Variants in NRG3 observed in about 807,000 individuals in gnomAD.
NRG3 encodes the protein pro-neuregulin-3, membrane-bound isoform.
In NRG3, 31 loss-of-function variants were observed where a neutral mutation model predicts 66.9. That is an observed-to-expected ratio of 0.46 (90% CI 0.35 to 0.63). The LOEUF (loss-of-function observed/expected upper bound fraction) is 0.63, where lower values mean the gene tolerates loss of function less well. Ranked by LOEUF, NRG3 falls within the 20% of genes least tolerant of loss-of-function variation. NRG3 has a pLI of 0.00. For synonymous variants in NRG3, 393 were observed against 359.4 expected (o/e 1.09, Z -1.06); for missense variants, 910 against 878.9 (o/e 1.04, Z -0.45).
intron 1 of NRG3, among the ~76,000 whole-genome samples, chr10:82,223,643 AC>A (rs1380391295): frequency 0.18 from 3,073 of 16,734 alleles, 98 homozygotes; most frequent in African/African-American, 0.32. Context: ...ACCACCCCAA[AC>A]ACACACACAC....
chr10:82,893,810 C>T (rs1843398596), intron 4 of NRG3, among the ~76,000 whole-genome samples: 1 of 151,938 alleles, frequency 6.6e-6, no homozygotes, highest in Non-Finnish European at 1.5e-5. Context: ...ACAAATGGCT[C>T]AGTGTAATAA....
intron 2 of NRG3, among the ~76,000 whole-genome samples, chr10:82,573,105 A>C (rs971485559): frequency 6.6e-6 from 1 of 151,810 alleles, no homozygotes; most frequent in African/African-American, 2.4e-5. Context: ...ATGTGACAAG[A>C]GATTGTCTTT....
intron 2 of NRG3, among the ~76,000 whole-genome samples, chr10:82,699,822 C>T (rs2055715433): frequency 6.6e-6 from 1 of 151,734 alleles, no homozygotes; most frequent in Admixed American, 6.6e-5. Context: ...TAAACATTTT[C>T]TGATTTTCAA....
intron 3 of NRG3, among the ~76,000 whole-genome samples, chr10:82,740,897 A>C (rs2058394890): frequency 6.6e-6 from 1 of 152,026 alleles, no homozygotes; most frequent in African/African-American, 2.4e-5. Context: ...CAAGATAAAA[A>C]ATTACTTTTA....
At chr10:82,049,002 A>G (rs1226180561) in intron 1 of NRG3, among the ~76,000 whole-genome samples, 1 of 152,190 alleles carries the variant, frequency 6.6e-6, no homozygotes, top group Non-Finnish European at 1.5e-5. Context: ...ATCTAGAAGA[A>G]ATGGATAAAT....
chr10:82,152,951 T>G (rs1002015863), intron 1 of NRG3, among the ~76,000 whole-genome samples: 2 of 151,852 alleles, frequency 1.3e-5, no homozygotes, highest in African/African-American at 4.8e-5. Context: ...TTGCATGTAT[T>G]AATGGGGTAC....
chr10:82,534,557 G>A (rs955508484), intron 2 of NRG3, among the ~76,000 whole-genome samples: 1 of 151,938 alleles, frequency 6.6e-6, no homozygotes, highest in Admixed American at 6.6e-5. Flanking sequence ...GAGCCACTGG[G>A]CCCGGCCAGA....
At chr10:81,885,027 T>A (rs1262628161) in intron 1 of NRG3, among the ~76,000 whole-genome samples, 1 of 152,220 alleles carries the variant, frequency 6.6e-6, no homozygotes, top group African/African-American at 2.4e-5. Flanking sequence ...TCTCTAGAAC[T>A]TATTCCTCTT....
At position 82,551,662 on chromosome 10, in the gene NRG3, G is replaced by A. The variant is rs529707196; in HGVS notation, c.954-186915G>A. On this transcript the variant is annotated intron_variant, in intron 2 of 8. Coordinates refer to ENST00000372141, the MANE Select transcript of NRG3 (RefSeq NM_001010848.4). The stretch of plus-strand genomic sequence containing the variant: ...ACACAAAACAACTACCTAGCTTAAT[G>A]AACTGTTTCAAGTCAAATAGCTTTG... 5.3e-5 allele frequency among the ~76,000 whole-genome samples: 8 copies of A among 150,764 alleles called. No homozygotes were observed. In the South Asian group the frequency reaches 1.7e-3, roughly 32 times the overall value.
intron 2 of NRG3, among the ~76,000 whole-genome samples, chr10:82,581,724 G>GTT (rs1306396098): frequency 6.6e-6 from 1 of 152,002 alleles, no homozygotes; most frequent in East Asian, 1.9e-4. Context: ...ACTTAAAAAT[G>GTT]TTTAAGATGG....
intron 4 of NRG3, among the ~76,000 whole-genome samples, chr10:82,917,620 A>C (rs759015468): frequency 1.3e-5 from 2 of 152,034 alleles, no homozygotes; most frequent in Non-Finnish European, 2.9e-5. Context: ...CAGTAACTTC[A>C]TCTTCCTTGT....
At chr10:82,618,354 C>T (rs547357269) in intron 2 of NRG3, among the ~76,000 whole-genome samples, 3 of 152,018 alleles carry the variant, frequency 2.0e-5, no homozygotes, top group African/African-American at 7.2e-5. Flanking sequence ...GGAGTTGGTC[C>T]AATAGTCATT....
In NRG3 at chr10:82,487,708, A is replaced by T. The variant is rs572677576; in HGVS notation, c.953+128840A>T. ...TTGCCTTTATGTTATTGATTTATTT[A>T]CTTGTGTTAGTTTTAAGAAAAGACA... On this transcript the variant is annotated intron_variant, in intron 2 of 8. Coordinates refer to ENST00000372141, the MANE Select transcript of NRG3 (RefSeq NM_001010848.4). Among the ~76,000 whole-genome samples, 3 of 152,336 alleles carry T rather than the reference A, an allele frequency of 2.0e-5. No homozygotes were observed. The South Asian group carries it at 6.2e-4, about 32-fold the overall frequency.
chr10:82,937,090 C>T (rs180860093), intron 4 of NRG3, among the ~76,000 whole-genome samples: 3 of 152,262 alleles, frequency 2.0e-5, no homozygotes, highest in Middle Eastern at 3.4e-3. Flanking sequence ...CTACAACACT[C>T]TTTTAATTCT....
At chr10:82,569,618 AC>A (rs2045610444) in intron 2 of NRG3, among the ~76,000 whole-genome samples, 1 of 151,638 alleles carries the variant, frequency 6.6e-6, no homozygotes, top group East Asian at 1.9e-4. Flanking sequence ...TTCTTAGAAA[AC>A]GTTTTGGGTT....
intron 3 of NRG3, among the ~76,000 whole-genome samples, chr10:82,825,118 T>C (rs1203536806): frequency 6.6e-6 from 1 of 152,228 alleles, no homozygotes; most frequent in African/African-American, 2.4e-5. Context: ...TTCTCTATGC[T>C]GTCTTCACTT....
chr10:82,671,995 C>T (rs1049632926), intron 2 of NRG3, among the ~76,000 whole-genome samples: 6 of 152,186 alleles, frequency 3.9e-5, no homozygotes, highest in South Asian at 2.1e-4. Flanking sequence ...TCCCAAGTTT[C>T]GGGCCTGAAC....
At chr10:82,825,755 A>G (rs2062173614) in intron 3 of NRG3, among the ~76,000 whole-genome samples, 1 of 152,222 alleles carries the variant, frequency 6.6e-6, no homozygotes, top group Non-Finnish European at 1.5e-5. Flanking sequence ...AAGCTAATCA[A>G]TATTCTGTAG....
intron 1 of NRG3, among the ~76,000 whole-genome samples, chr10:82,047,682 A>C (rs1043698605): frequency 1.3e-5 from 2 of 151,814 alleles, no homozygotes; most frequent in Non-Finnish European, 1.5e-5. Context: ...CTAGGAAGAA[A>C]CTGCATCAAC....
Sources: allele counts gnomAD v4.1 joint callset (sites outside exome capture counted in the v4.1 genomes callset), GRCh38; gene constraint gnomAD v4.1.1; transcripts MANE v1.5; gene names NCBI Gene and HGNC (gene_info 2026-07-23, HGNC 2026-07-21).